ABI2: variants seen among roughly 807,000 people sequenced by gnomAD.
The protein encoded by ABI2 is abl interactor 2, also known as abelson interactor 2.
Under a neutral mutation model 59.2 loss-of-function variants are expected in ABI2, and 25 were observed. The ratio of observed to expected loss-of-function variants is 0.42; its 90% confidence interval spans 0.31 to 0.59. ABI2 has a LOEUF of 0.59. ABI2 is among the 20% of genes least tolerant of loss of function. ABI2 has a pLI of 0.14. For missense variants in ABI2, 545 were observed against 681.8 expected, an observed-to-expected ratio of 0.80 and a Z score of 2.23; for synonymous variants, 213 against 235.5, an observed-to-expected ratio of 0.90 and a Z score of 0.87.
chr2:203,425,857 A>C (rs964958740), intron 11 of ABI2, among the ~76,000 whole-genome samples: 12 of 152,034 alleles, frequency 7.9e-5, no homozygotes, highest in African/African-American at 2.4e-4. Context: ...CCCCGTCTCT[A>C]CTAAAAATAC....
chr2:203,425,647 T>A (rs1240875510), intron 11 of ABI2, among the ~76,000 whole-genome samples: 1 of 152,256 alleles, frequency 6.6e-6, no homozygotes, highest in Non-Finnish European at 1.5e-5. Context: ...TGTATGCCAT[T>A]TAACTACATT....
At chr2:203,381,620 A>G (rs1294187598) in intron 3 of ABI2, among the ~76,000 whole-genome samples, 4 of 152,242 alleles carry the variant, frequency 2.6e-5, no homozygotes, top group Non-Finnish European at 5.9e-5. Flanking sequence ...TAATAAGAGC[A>G]TGTTAAAATA....
chr2:203,333,932 CTTTTTTCTTTCTTTT>C (rs1300586461), intron 1 of ABI2, among the ~76,000 whole-genome samples: 2 of 150,816 alleles, frequency 1.3e-5, no homozygotes, highest in Admixed American at 1.3e-4. Flanking sequence ...TTTTTCTTTT[CTTTTTTCTTTCTTTT>C]TTTTTTTTTT....
chr2:203,409,066 C>T lies in ABI2; in HGVS notation c.1193-2219C>T, dbSNP rs1223014501. Among the ~76,000 whole-genome samples, 3 of 151,118 alleles carry T rather than the reference C, an allele frequency of 2.0e-5. No homozygotes were observed. In the South Asian group the frequency reaches 6.4e-4, roughly 32 times the overall value. ...TGTTAGCCAGGATGGTCTCGATCTC[C>T]TGACCTCATGATCCACCCGCCTCGG... On this transcript the variant is annotated intron_variant, in intron 9 of 11. Coordinates refer to ENST00000261018, the MANE Select transcript of ABI2 (RefSeq NM_001375670.1).
chr2:203,387,398 AG>A (rs1269481469), intron 4 of ABI2, among the ~76,000 whole-genome samples: 1 of 152,232 alleles, frequency 6.6e-6, no homozygotes, highest in Non-Finnish European at 1.5e-5. Flanking sequence ...TGCCAGTTGT[AG>A]TGATCTCCAA....
intron 10 of ABI2, among the ~76,000 whole-genome samples, chr2:203,412,448 C>G (rs1000192348): frequency 2.0e-5 from 3 of 152,142 alleles, no homozygotes; most frequent in Admixed American, 2.0e-4. Context: ...CCTAAGGGCT[C>G]AGTGTCTTTC....
In ABI2 at chr2:203,394,793, G is replaced by A. The variant is rs1328763074; in HGVS notation, c.672G>A (p.Ser224=). 8 of 1,614,082 alleles carry A rather than the reference G, an allele frequency of 5.0e-6. No individual in the cohort carries two copies. The highest frequency in any genetic ancestry group is 6.8e-6 in the Non-Finnish European group (8 of 1,180,000). Residue 224 remains serine (S), a synonymous_variant, in exon 6 of 12, where the codon TCG becomes TCA. Transcript: ENST00000261018. ...VPSPTRNMAP[S]QQSPVRTASV... is the part of the protein sequence containing the mutation. Reference sequence around the variant, plus strand: ...GCCCAACCCGTAATATGGCTCCCTCGCAGCAGAGCCCTGTGAGGACAGCTT... The same window carrying A: ...GCCCAACCCGTAATATGGCTCCCTCACAGCAGAGCCCTGTGAGGACAGCTT...
At chr2:203,352,142 A>G (rs2089088333) in intron 1 of ABI2, among the ~76,000 whole-genome samples, 1 of 152,308 alleles carries the variant, frequency 6.6e-6, no homozygotes, top group South Asian at 2.1e-4. Context: ...TGGCATACAG[A>G]TACACATATA....
intron 10 of ABI2, among the ~76,000 whole-genome samples, chr2:203,415,409 AGATCTAGAC>A (rs1343121196): frequency 1.3e-5 from 2 of 152,050 alleles, no homozygotes; most frequent in Non-Finnish European, 2.9e-5. Context: ...CAGGGTCAAG[AGATCTAGAC>A]GATCCTGGCT....
chr2:203,373,960 AC>A (rs2095500257), intron 2 of ABI2, among the ~76,000 whole-genome samples: 1 of 151,660 alleles, frequency 6.6e-6, no homozygotes, highest in African/African-American at 2.4e-5. Flanking sequence ...GGAGTTTGAG[AC>A]CAGCCTAGCC....
chr2:203,353,212 A>G (rs761726998), intron 1 of ABI2, among the ~76,000 whole-genome samples: 3 of 152,198 alleles, frequency 2.0e-5, no homozygotes, highest in East Asian at 1.9e-4. Flanking sequence ...TCAGATTACA[A>G]TTATCATATA....
chr2:203,423,573 C>T (rs532124541), intron 11 of ABI2, among the ~76,000 whole-genome samples: 10 of 152,178 alleles, frequency 6.6e-5, no homozygotes, highest in Non-Finnish European at 1.0e-4. Flanking sequence ...CTACAGGCGC[C>T]GGCCACCATG....
chr2:203,415,680 T>C (rs1365614154), intron 10 of ABI2, among the ~76,000 whole-genome samples: 2 of 119,036 alleles, frequency 1.7e-5, no homozygotes, highest in African/African-American at 6.3e-5. Context: ...GATTAAAAAA[T>C]ACTAAATAAA....
intron 4 of ABI2, among the ~76,000 whole-genome samples, chr2:203,386,208 CTTT>C (rs2096500417): frequency 6.6e-6 from 1 of 152,098 alleles, no homozygotes; most frequent in South Asian, 2.1e-4. Context: ...ACTGACCTCA[CTTT>C]TTTCCCATCC....
intron 11 of ABI2, among the ~76,000 whole-genome samples, chr2:203,421,701 T>C (rs965474794): frequency 6.6e-6 from 1 of 152,128 alleles, no homozygotes; most frequent in Non-Finnish European, 1.5e-5. Flanking sequence ...GCATGGTGGC[T>C]CACGCCTGTA....
intron 6 of ABI2, among the ~76,000 whole-genome samples, chr2:203,395,448 T>TATATATATATATAC (rs750379504): frequency 0.024 from 2,799 of 115,230 alleles, 49 homozygotes; most frequent in Non-Finnish European, 0.036. Flanking sequence ...TATATATATA[T>TATATATATATATAC]ACACACACAC....
chr2:203,395,485 A>ACACACACAT (rs1553589685), intron 6 of ABI2, among the ~76,000 whole-genome samples, 171 bp from the exon 7 acceptor site: 3 of 146,098 alleles, frequency 2.1e-5, no homozygotes, highest in African/African-American at 5.1e-5. Flanking sequence ...ACACACACAC[A>ACACACACAT]TTTTTTTTTA....
chr2:203,408,908 G>T (rs1195072319), intron 9 of ABI2, among the ~76,000 whole-genome samples: 1 of 132,222 alleles, frequency 7.6e-6, no homozygotes, highest in Non-Finnish European at 1.6e-5. Context: ...GCGCAATCTC[G>T]GCTCACTGCA....
chr2:203,352,489 A>G (rs1002365565), intron 1 of ABI2, among the ~76,000 whole-genome samples: 4 of 152,092 alleles, frequency 2.6e-5, no homozygotes, highest in Non-Finnish European at 5.9e-5. Context: ...GAGGTGGAAG[A>G]CAGTGATATT....
Sources: gnomAD v4.1 joint callset for allele counts (sites outside exome capture counted in the v4.1 genomes callset) on GRCh38, gnomAD v4.1.1 for gene constraint, MANE v1.5 for transcripts, NCBI Gene and HGNC (gene_info 2026-07-23, HGNC 2026-07-21) for gene names.